Variants in FRY observed in about 807,000 individuals in gnomAD.
The protein encoded by FRY is FRY microtubule binding protein.
A neutral mutation model predicts 348.4 loss-of-function variants in FRY; 128 were observed. The observed-to-expected ratio is 0.37, with a 90% CI of 0.32 to 0.43. The LOEUF (loss-of-function observed/expected upper bound fraction) is 0.43. Ranked by LOEUF, FRY falls within the 20% of genes least tolerant of loss-of-function variation. The pLI, the probability that FRY is intolerant of heterozygous loss-of-function variation, is 1.00. For missense variants in FRY, 2,736 were observed against 3,695.2 expected, an observed-to-expected ratio of 0.74 and a Z score of 6.73; for synonymous variants, 1,370 against 1,374.7, an observed-to-expected ratio of 1.00 and a Z score of 0.08.
chr13:32,225,991 G>A lies in FRY; in HGVS notation c.5206+17G>A. ...TCTATACAGGTAACAGAGAAGGACTGGTAGAGAGCCTAGGACAGTTACAAA... is the reference window on the plus strand; with the variant it reads ...TCTATACAGGTAACAGAGAAGGACTAGTAGAGAGCCTAGGACAGTTACAAA... On this transcript the variant is annotated intron_variant, in intron 39 of 60. Transcript: ENST00000542859. The A allele has an allele frequency of 6.2e-7, 1 of 1,610,340 alleles. No individual in the cohort carries two copies.
chr13:32,295,120 C>T (rs921963373), intron 60 of FRY, 82 bp from the exon 61 acceptor site: 8 of 1,236,262 alleles, frequency 6.5e-6, no homozygotes, highest in Non-Finnish European at 9.5e-6. Context: ...AAAAGTAATA[C>T]TCTTATATTA....
rs532121203 is a variant in FRY, at chr13:32,121,434, C to T, written c.465-2852C>T. Reference sequence around the variant, plus strand: ...TTCACTGCATCCACGCCAACATCTACGGGTTTTTTTGTTTTTTGTTTTTTG... The same window carrying T: ...TTCACTGCATCCACGCCAACATCTATGGGTTTTTTTGTTTTTTGTTTTTTG... On this transcript the variant is annotated intron_variant, in intron 4 of 60. Coordinates refer to ENST00000542859, the MANE Select transcript of FRY (RefSeq NM_023037.3). Among the ~76,000 whole-genome samples the T allele has an allele frequency of 8.5e-4, 130 of 152,220 alleles. No homozygotes were observed. In the Middle Eastern group the frequency reaches 0.01, roughly 12 times the overall value.
intron 35 of FRY, among the ~76,000 whole-genome samples, chr13:32,213,278 G>A (rs143782261): frequency 5.8e-4 from 89 of 152,310 alleles, no homozygotes; most frequent in African/African-American, 1.6e-3. Context: ...AGGGGCTGGC[G>A]TGGAGATGAC....
chr13:32,086,168 A>G (rs987827645), intron 2 of FRY, among the ~76,000 whole-genome samples: 1 of 152,194 alleles, frequency 6.6e-6, no homozygotes, highest in Admixed American at 6.5e-5. Context: ...AGCCCAAAAT[A>G]TGAAAGGCTG....
intron 18 of FRY, 70 bp from the exon 19 acceptor site, chr13:32,173,297 A>T: frequency 8.2e-7 from 1 of 1,217,530 alleles, no homozygotes. Context: ...AAAAATATGT[A>T]AAACATGAGT....
intron 16 of FRY, among the ~76,000 whole-genome samples, chr13:32,159,965 A>G (rs1881347416): frequency 6.6e-6 from 1 of 152,220 alleles, no homozygotes; most frequent in African/African-American, 2.4e-5. Flanking sequence ...CAAAAGTCAT[A>G]AGATTATTAA....
At chr13:32,173,606 A>G in intron 19 of FRY, 57 bp downstream of exon 19, 1 of 1,302,668 alleles carries the variant, frequency 7.7e-7, no homozygotes, top group Non-Finnish European at 1.1e-6. Context: ...TCTGAAATTT[A>G]GATTAAAAAC....
chr13:32,246,739 G>A (rs181928930), intron 47 of FRY, among the ~76,000 whole-genome samples: 14 of 152,328 alleles, frequency 9.2e-5, no homozygotes, highest in African/African-American at 2.9e-4. Context: ...AGAGGGTGCC[G>A]CTGAGCCAGT....
intron 11 of FRY, among the ~76,000 whole-genome samples, chr13:32,145,637 C>G (rs549434274): frequency 5.3e-5 from 8 of 150,092 alleles, no homozygotes; most frequent in African/African-American, 2.0e-4. Context: ...CTCCGCTTCC[C>G]GGGTTCACGC....
intron 1 of FRY, among the ~76,000 whole-genome samples, chr13:32,066,141 A>G (rs1254800488): frequency 6.6e-6 from 1 of 152,196 alleles, no homozygotes; most frequent in Non-Finnish European, 1.5e-5. Flanking sequence ...TCGGGGTTCA[A>G]ACAAGGTCCA....
rs371688027 is a variant in FRY at position 32,122,315 on chromosome 13, C to T, written c.465-1971C>T. Among the ~76,000 whole-genome samples the T allele has an allele frequency of 2.2e-4, 34 of 151,848 alleles. No individual in the cohort carries two copies. The East Asian group carries it at 3.5e-3, about 16-fold the overall frequency. ...AAAATTAGCTGGGCATGGTGGTAGG[C>T]GCCTATAGTCCCAGCTACTCGGGAG... On this transcript the variant is annotated intron_variant, in intron 4 of 60. Coordinates refer to ENST00000542859, the MANE Select transcript of FRY (RefSeq NM_023037.3).
chr13:32,226,053 A>G (rs1885562726), intron 39 of FRY, 79 bp downstream of exon 39: 5 of 1,238,658 alleles, frequency 4.0e-6, no homozygotes, highest in Admixed American at 1.8e-5. Context: ...AGTGGAGCCC[A>G]AGTTAACTTC....
intron 7 of FRY, among the ~76,000 whole-genome samples, chr13:32,129,218 T>A (rs1461989983): frequency 1.3e-5 from 2 of 152,202 alleles, no homozygotes; most frequent in African/African-American, 4.8e-5. Context: ...TTTATGATAA[T>A]AACTTTGTTT....
intron 32 of FRY, 78 bp from the exon 33 acceptor site, chr13:32,209,507 C>G: frequency 6.9e-7 from 1 of 1,441,724 alleles, no homozygotes; most frequent in Non-Finnish European, 9.7e-7. Context: ...TCATGACCCT[C>G]AAAACTACTT....
At chr13:32,227,546 G>A (rs891851319) in intron 39 of FRY, among the ~76,000 whole-genome samples, 1 of 152,048 alleles carries the variant, frequency 6.6e-6, no homozygotes. Context: ...CCTACCCAGA[G>A]GTATAGAATG....
chr13:32,295,081 A>T (rs1889566633), intron 60 of FRY, 121 bp from the exon 61 acceptor site: 1 of 839,516 alleles, frequency 1.2e-6, no homozygotes, highest in Admixed American at 1.8e-5. Flanking sequence ...TACCTGATAC[A>T]GGAATTCCAT....
intron 14 of FRY, among the ~76,000 whole-genome samples, chr13:32,152,941 C>T (rs925900582): frequency 6.6e-6 from 1 of 151,972 alleles, no homozygotes; most frequent in Admixed American, 6.6e-5. Flanking sequence ...TTTAAATGGG[C>T]AGAAGGATCA....
At chr13:32,175,392 C>G (rs766355776) in intron 19 of FRY, among the ~76,000 whole-genome samples, 154 bp from the exon 20 acceptor site, 1 of 152,156 alleles carries the variant, frequency 6.6e-6, no homozygotes, top group Non-Finnish European at 1.5e-5. Flanking sequence ...GAGTTTTACT[C>G]ACTGCCTTCC....
intron 28 of FRY, among the ~76,000 whole-genome samples, chr13:32,193,868 G>A (rs1329400819): frequency 1.3e-5 from 2 of 151,834 alleles, no homozygotes; most frequent in East Asian, 1.9e-4. Flanking sequence ...GATTCCAGGC[G>A]TGAGCCACCA....
Sources: gnomAD v4.1 joint callset for allele counts (sites outside exome capture counted in the v4.1 genomes callset) on GRCh38, gnomAD v4.1.1 for gene constraint, MANE v1.5 for transcripts, NCBI Gene and HGNC (gene_info 2026-07-23, HGNC 2026-07-21) for gene names.